The following TBC1D1 variants were observed in gnomAD, a reference collection of about 807,000 sequenced individuals.
TBC1D1 encodes the protein TBC1 domain family member 1.
Under a neutral mutation model 125.6 loss-of-function variants are expected in TBC1D1, and 89 were observed. The ratio of observed to expected loss-of-function variants is 0.71; its 90% CI spans 0.60 to 0.85. TBC1D1 has a LOEUF of 0.85. TBC1D1 is among the 40% of genes least tolerant of loss of function. TBC1D1 has a pLI of 0.00. For synonymous variants in TBC1D1, 565 were observed against 564.1 expected, an observed-to-expected ratio of 1.00 and a Z score of -0.02; for missense variants, 1,377 against 1,469.2, an observed-to-expected ratio of 0.94 and a Z score of 1.03.
intron 18 of TBC1D1, among the ~76,000 whole-genome samples, chr4:38,131,398 A>G (rs1408001466): frequency 1.3e-5 from 2 of 152,346 alleles, no homozygotes; most frequent in African/African-American, 2.4e-5. Context: ...TTTACTGTTC[A>G]GACTATTCAG....
intron 12 of TBC1D1, among the ~76,000 whole-genome samples, chr4:38,089,444 G>A (rs1475997752): frequency 1.3e-5 from 2 of 152,136 alleles, no homozygotes; most frequent in Admixed American, 6.5e-5. Context: ...GTCCTGGCTC[G>A]ACTCCTTCCT....
At chr4:37,978,080 A>C (rs1248469154) in intron 2 of TBC1D1, among the ~76,000 whole-genome samples, 1 of 152,182 alleles carries the variant, frequency 6.6e-6, no homozygotes, top group Non-Finnish European at 1.5e-5. Context: ...AGAAGTTTTT[A>C]ACTTTCCATT....
In TBC1D1 at chr4:38,101,912, C is replaced by T. The variant is rs116511417; in HGVS notation, c.2399-1087C>T. On this transcript the variant is annotated intron_variant, in intron 14 of 19. Transcript: ENST00000261439. ...TCTTGTACTTTTCTCTTCCTTTTCC[C>T]TCATCCTTAAGGCTCGACTCAAATG... Among the ~76,000 whole-genome samples, 872 of 152,234 alleles carry T rather than the reference C, an allele frequency of 5.7e-3. 9 individuals carry two copies. Among genetic ancestry groups the T allele is most frequent in the African/African-American group, 0.02 (824 of 41,544 alleles).
At chr4:38,054,828 G>A (rs955711702) in intron 12 of TBC1D1, among the ~76,000 whole-genome samples, 8 of 152,106 alleles carry the variant, frequency 5.3e-5, no homozygotes, top group Admixed American at 2.6e-4. Context: ...ATACTTCCGG[G>A]GTCTTGCGTT....
Position 37,995,375 on chromosome 4 carries a change from A to G in TBC1D1, c.418-19134A>G, listed in dbSNP as rs1019366922. On this transcript the variant is annotated intron_variant, in intron 2 of 19. Transcript: ENST00000261439. This position sits in a 1 kb window ranked among gnomAD's most constrained non-coding sequence, Gnocchi z 4.3. ...ATTTCCTTCATCTGTAAAAGCAGGA[A>G]GAAAATATTTGCCACTCAGTTCTGT... 7 of 179,696 alleles carry G rather than the reference A, an allele frequency of 3.9e-5. No individual in the cohort carries two copies. The highest frequency in any genetic ancestry group is 8.2e-5 in the Non-Finnish European group (7 of 85,412). The allele number at this position is 179,696 out of a possible 1,614,324, so 11.1% of individuals were successfully genotyped here.
At position 37,977,510 on chromosome 4, in the gene TBC1D1, T is replaced by G. The variant is rs1420619733; in HGVS notation, c.418-36999T>G. Reference sequence around the variant, plus strand: ...GCCGCCCGGCCCGCGATGTCACCATTGTTCAGCTGGGTGGCCAAGGTAGGC... The same window carrying G: ...GCCGCCCGGCCCGCGATGTCACCATGGTTCAGCTGGGTGGCCAAGGTAGGC... On this transcript the variant is annotated intron_variant, in intron 2 of 19. Coordinates refer to ENST00000261439, the MANE Select transcript of TBC1D1 (RefSeq NM_015173.4). This position sits in a 1 kb window ranked among gnomAD's most constrained non-coding sequence, Gnocchi z 4.3. 2.0e-6 allele frequency: 2 copies of G among 993,028 alleles called. No homozygotes were observed. Among genetic ancestry groups the G allele is most frequent in the Non-Finnish European group, 2.4e-6 (2 of 826,962 alleles). 61.5% of individuals were successfully genotyped at this position (993,028 alleles called of 1,614,324 possible).
intron 2 of TBC1D1, among the ~76,000 whole-genome samples, chr4:37,945,729 GC>G (rs1560513223): frequency 2.0e-5 from 3 of 152,156 alleles, no homozygotes; most frequent in African/African-American, 7.2e-5. Context: ...CCCATACAAA[GC>G]CTTTCTATTG....
intron 2 of TBC1D1, among the ~76,000 whole-genome samples, chr4:37,980,188 T>C (rs1734067838): frequency 1.3e-5 from 2 of 152,198 alleles, no homozygotes; most frequent in Non-Finnish European, 2.9e-5. Flanking sequence ...GAGAGTTTTG[T>C]TTTAAAGAGA....
chr4:37,906,625 G>T (rs1189728799), intron 2 of TBC1D1, among the ~76,000 whole-genome samples: 1 of 152,166 alleles, frequency 6.6e-6, no homozygotes, highest in African/African-American at 2.4e-5. Flanking sequence ...CTGATAGGGG[G>T]TCTTTTCAAA....
intron 14 of TBC1D1, among the ~76,000 whole-genome samples, chr4:38,097,225 C>T (rs530740102): frequency 7.9e-5 from 12 of 151,748 alleles, no homozygotes; most frequent in African/African-American, 2.2e-4. Context: ...TGCAATGGCG[C>T]GATCTCAGCT....
At chr4:38,077,851 G>A (rs75374702) in intron 12 of TBC1D1, among the ~76,000 whole-genome samples, 3,120 of 152,156 alleles carry the variant, frequency 0.021, 57 homozygotes, top group Middle Eastern at 0.048. Context: ...CATGTTATGC[G>A]TCACCCTGGG....
intron 12 of TBC1D1, among the ~76,000 whole-genome samples, chr4:38,076,598 A>G (rs1030055204): frequency 2.0e-5 from 3 of 152,194 alleles, no homozygotes; most frequent in Non-Finnish European, 2.9e-5. Flanking sequence ...ATGAAAACCT[A>G]GAATATAGAA....
At chr4:37,929,787 A>G (rs1020143896) in intron 2 of TBC1D1, among the ~76,000 whole-genome samples, 8 of 152,210 alleles carry the variant, frequency 5.3e-5, no homozygotes, top group African/African-American at 1.9e-4. Context: ...AACTATGTCA[A>G]TGAGTCTGTG....
chr4:37,944,557 A>G (rs1360358135), intron 2 of TBC1D1, among the ~76,000 whole-genome samples: 1 of 152,114 alleles, frequency 6.6e-6, no homozygotes, highest in Non-Finnish European at 1.5e-5. Flanking sequence ...TCCCAGCCTC[A>G]CTGCCGCCTT....
chr4:38,012,699 A>G (rs1157636868), intron 2 of TBC1D1, among the ~76,000 whole-genome samples: 1 of 152,218 alleles, frequency 6.6e-6, no homozygotes. Flanking sequence ...AACAGTTTTT[A>G]GGCCTCTGTA....
intron 2 of TBC1D1, among the ~76,000 whole-genome samples, chr4:38,011,560 C>G (rs1741510401): frequency 6.6e-6 from 1 of 152,092 alleles, no homozygotes; most frequent in Non-Finnish European, 1.5e-5. Context: ...GCAATATGCC[C>G]TTTGCCTTCA....
chr4:37,899,943 AC>A (rs902215302), intron 1 of TBC1D1, among the ~76,000 whole-genome samples: 19 of 151,828 alleles, frequency 1.3e-4, no homozygotes, highest in African/African-American at 4.1e-4. Flanking sequence ...ACACGGTGAA[AC>A]CCCGTCTGTA....
chr4:38,017,111 T>C (rs1742909811), intron 3 of TBC1D1, among the ~76,000 whole-genome samples: 1 of 152,192 alleles, frequency 6.6e-6, no homozygotes, highest in Non-Finnish European at 1.5e-5. Context: ...TCTGACTTGC[T>C]CTTTACAACC....
intron 2 of TBC1D1, among the ~76,000 whole-genome samples, chr4:37,920,369 T>C (rs1720698062): frequency 6.6e-6 from 1 of 152,108 alleles, no homozygotes; most frequent in African/African-American, 2.4e-5. Flanking sequence ...CAAAACCACC[T>C]TGGAGCCAAA....
Sources: allele counts gnomAD v4.1 joint callset (sites outside exome capture counted in the v4.1 genomes callset), GRCh38; gene constraint gnomAD v4.1.1; non-coding constraint Gnocchi (gnomAD v3.1); transcripts MANE v1.5; gene names NCBI Gene and HGNC (gene_info 2026-07-23, HGNC 2026-07-21).